Variants in ANK3 observed in about 807,000 individuals in gnomAD.
ANK3 encodes ankyrin-3.
ANK3 carries 57 observed loss-of-function variants against 370.9 expected under a neutral mutation model. The ratio of observed to expected loss-of-function variants is 0.15; its 90% CI spans 0.12 to 0.19. The LOEUF is 0.19. Among genes scored for constraint, ANK3 ranks in the 10% least tolerant of loss-of-function variants. ANK3 has a pLI of 1.00. For synonymous variants in ANK3, 1,929 were observed against 1,946.3 expected (o/e 0.99, Z 0.23); for missense variants, 4,439 against 5,302.1 (o/e 0.84, Z 5.06).
chr10:60,695,919 A>G (rs1408974028), intron 1 of ANK3, among the ~76,000 whole-genome samples: 1 of 151,226 alleles, frequency 6.6e-6, no homozygotes, highest in Non-Finnish European at 1.5e-5. Flanking sequence ...AACTGAAGGA[A>G]ATAGAGACAC....
At chr10:60,030,228 T>C (rs569834406) in intron 43 of ANK3, among the ~76,000 whole-genome samples, 23 of 152,260 alleles carry the variant, frequency 1.5e-4, no homozygotes, top group Non-Finnish European at 2.5e-4. Context: ...CTGCAAGCTC[T>C]GCCTCCTGGG....
chr10:60,185,536 C>T (rs1317298069), intron 17 of ANK3, among the ~76,000 whole-genome samples: 1 of 152,106 alleles, frequency 6.6e-6, no homozygotes, highest in South Asian at 2.1e-4. Flanking sequence ...CACAGGCACA[C>T]GTGTTGAAAG....
At chr10:60,378,569 G>A (rs377213647) in intron 1 of ANK3, among the ~76,000 whole-genome samples, 14 of 152,162 alleles carry the variant, frequency 9.2e-5, no homozygotes, top group East Asian at 5.8e-4. Context: ...GATTTTTGAC[G>A]AAGGTGCAAA....
chr10:60,304,005 C>T (rs563718310), intron 1 of ANK3, among the ~76,000 whole-genome samples: 15 of 151,222 alleles, frequency 9.9e-5, no homozygotes, highest in African/African-American at 2.7e-4. Flanking sequence ...TGAAATTAGC[C>T]GGACACAGAA....
At chr10:60,396,917 T>G (rs935201547) in intron 2 of ANK3, among the ~76,000 whole-genome samples, 1 of 152,204 alleles carries the variant, frequency 6.6e-6, no homozygotes, top group Non-Finnish European at 1.5e-5. Flanking sequence ...ACAATTACAG[T>G]AAGGATGAAG....
intron 2 of ANK3, among the ~76,000 whole-genome samples, chr10:60,418,343 T>G (rs1353670537): frequency 6.6e-6 from 1 of 152,164 alleles, no homozygotes; most frequent in Non-Finnish European, 1.5e-5. Context: ...CGTTAGGTGG[T>G]TAACATTCCC....
intron 2 of ANK3, among the ~76,000 whole-genome samples, chr10:60,581,679 C>T (rs2077756231): frequency 6.6e-6 from 1 of 151,770 alleles, no homozygotes; most frequent in Non-Finnish European, 1.5e-5. Flanking sequence ...ACATCGTGAT[C>T]CATCTGCCTC....
intron 2 of ANK3, among the ~76,000 whole-genome samples, chr10:60,443,305 G>A (rs540571490): frequency 1.2e-4 from 19 of 152,164 alleles, no homozygotes; most frequent in South Asian, 2.1e-4. Context: ...GTGTGTGTGC[G>A]TGTGTGTGTA....
intron 1 of ANK3, among the ~76,000 whole-genome samples, chr10:60,374,191 C>A (rs916921664): frequency 1.3e-5 from 2 of 151,776 alleles, no homozygotes; most frequent in Non-Finnish European, 2.9e-5. Flanking sequence ...TCAGGGTCCT[C>A]GAGATAAAAC....
intron 1 of ANK3, among the ~76,000 whole-genome samples, chr10:60,298,880 G>A (rs998913052): frequency 6.6e-6 from 1 of 152,128 alleles, no homozygotes; most frequent in African/African-American, 2.4e-5. Flanking sequence ...TCTCAAAGCT[G>A]TCTAACTATG....
Position 60,076,054 on chromosome 10 carries a change from C to A in ANK3, c.4827G>T (p.Thr1609=). ...AATTGGATGCCAGCCCTTTTAAGGG[C>A]GTAGCTTCCGTGACTGCTGGAGCTC... The part of the protein sequence containing the change: ...LARAPAVTEA[T]PLKGLASNST... Residue 1609 remains threonine, a synonymous_variant, in exon 37 of 44, where the codon ACG becomes ACT. Transcript: ENST00000280772. 6.2e-7 allele frequency: 1 copy of A among 1,614,138 alleles called. No individual in the cohort carries two copies. The highest frequency in any genetic ancestry group is 8.5e-7 in the Non-Finnish European group (1 of 1,179,992).
intron 23 of ANK3, among the ~76,000 whole-genome samples, chr10:60,161,227 C>T (rs573680713): frequency 3.3e-5 from 5 of 152,154 alleles, no homozygotes; most frequent in African/African-American, 4.8e-5. Context: ...AAATCAGTAT[C>T]ATTTCTATGT....
intron 7 of ANK3, among the ~76,000 whole-genome samples, chr10:60,251,436 T>C (rs540327705): frequency 6.6e-6 from 1 of 152,178 alleles, no homozygotes; most frequent in Non-Finnish European, 1.5e-5. Flanking sequence ...ATCACTGGCC[T>C]TTCGGTTGGG....
chr10:60,690,399 T>C (rs2133402064), intron 1 of ANK3, among the ~76,000 whole-genome samples: 1 of 152,330 alleles, frequency 6.6e-6, no homozygotes, highest in East Asian at 1.9e-4. Context: ...TGCACGCTTT[T>C]CCAACGGTCT....
intron 25 of ANK3, among the ~76,000 whole-genome samples, chr10:60,125,045 A>G (rs1372921929): frequency 2.0e-5 from 3 of 152,192 alleles, no homozygotes; most frequent in Non-Finnish European, 4.4e-5. Flanking sequence ...TTAAACATCC[A>G]GCACTACTAC....
At chr10:60,110,376 C>T (rs1195579718) in intron 26 of ANK3, among the ~76,000 whole-genome samples, 2 of 152,156 alleles carry the variant, frequency 1.3e-5, no homozygotes, top group Non-Finnish European at 2.9e-5. Flanking sequence ...AAGGTGGACT[C>T]GTCTTCATAC....
chr10:60,644,276 C>A (rs35068518), intron 1 of ANK3, among the ~76,000 whole-genome samples: 22,614 of 152,036 alleles, frequency 0.15, 2,100 homozygotes, highest in South Asian at 0.27. Flanking sequence ...AACATAGCAT[C>A]TGCCCAAACC....
chr10:60,093,670 C>A (rs973417358), intron 28 of ANK3, among the ~76,000 whole-genome samples: 2 of 152,152 alleles, frequency 1.3e-5, no homozygotes, highest in Non-Finnish European at 2.9e-5. Flanking sequence ...TGCCACTTTG[C>A]GTGATAGAGG....
intron 1 of ANK3, chr10:60,684,488 T>C (rs1014501522): frequency 1.1e-5 from 16 of 1,398,164 alleles, no homozygotes; most frequent in East Asian, 2.4e-5. Flanking sequence ...ATTTGGGACA[T>C]TTATTTGCAG....
Sources: allele counts gnomAD v4.1 joint callset (sites outside exome capture counted in the v4.1 genomes callset), GRCh38; gene constraint gnomAD v4.1.1; transcripts MANE v1.5; gene names NCBI Gene and HGNC (gene_info 2026-07-23, HGNC 2026-07-21).